The following MSN variants were observed in gnomAD, a reference collection of about 807,000 sequenced individuals.
The protein encoded by MSN is moesin.
A neutral mutation model predicts 48.0 loss-of-function variants in MSN; 2 were observed. The observed-to-expected ratio is 0.04, with a 90% CI of 0.02 to 0.13. MSN has a LOEUF of 0.13. Among genes scored for constraint, MSN ranks in the 10% least tolerant of loss-of-function variants. The probability of loss-of-function intolerance (pLI) is 1.00; values close to 1 mark genes in which losing one functional copy is unlikely to be tolerated. For synonymous variants in MSN, 146 were observed against 166.9 expected (o/e 0.87, Z 0.97); for missense variants, 267 against 470.1 (o/e 0.57, Z 3.99).
intron 1 of MSN, among the ~76,000 whole-genome samples, chrX:65,706,264 G>A (rs1355346707): frequency 8.9e-6 from 1 of 111,943 alleles, no homozygotes; most frequent in Non-Finnish European, 1.9e-5. Context: ...GGGAACTGGA[G>A]CCTAAACAAT....
upstream of MSN, among the ~76,000 whole-genome samples, chrX:65,662,836 A>C (rs996411589): frequency 1.8e-5 from 2 of 112,708 alleles, no homozygotes; most frequent in African/African-American, 6.4e-5. Flanking sequence ...AACTATCAAC[A>C]GAGTAAACAG....
At position 65,733,101 on chromosome X, in the gene MSN, G is replaced by T. The variant is rs2071639738; in HGVS notation, c.699-83G>T. 4 of 640,454 alleles carry T rather than the reference G, an allele frequency of 6.2e-6. No homozygotes were observed. The African/African-American group carries it at 6.8e-5, about 11-fold the overall frequency. 52.8% of individuals were successfully genotyped at this position (640,454 alleles called of 1,213,427 possible). Reference sequence around the variant, plus strand: ...GAGAGAGAGACATAGAAGCTTGGAGGTGACAGTGAGGGCAAGCCCCCAGTT... The same window carrying T: ...GAGAGAGAGACATAGAAGCTTGGAGTTGACAGTGAGGGCAAGCCCCCAGTT... On this transcript the variant is annotated intron_variant, in intron 6 of 12. Transcript: ENST00000360270.
rs184926316 is a variant in MSN at position 65,712,901 on chromosome X, G to A, written c.13-3917G>A. Among the ~76,000 whole-genome samples, 26 of 111,130 alleles carry A rather than the reference G, an allele frequency of 2.3e-4. No individual in the cohort carries two copies. The East Asian group carries it at 6.2e-3, about 26-fold the overall frequency. On this transcript the variant is annotated intron_variant, in intron 1 of 12. Coordinates refer to ENST00000360270, the MANE Select transcript of MSN (RefSeq NM_002444.3). ...TCTGTAAGAGGAATTTAGCATATTG[G>A]TTTACATTGTGAGGTTTGGATTTAG...
chrX:65,733,067 A>G (rs2071639065), intron 6 of MSN, 117 bp from the exon 7 acceptor site: 1 of 512,510 alleles, frequency 2.0e-6, no homozygotes, highest in South Asian at 4.0e-5. Context: ...TTTTAAAAAA[A>G]AAAAAAGAGA....
intron 1 of MSN, among the ~76,000 whole-genome samples, chrX:65,659,119 C>T (rs920722552): frequency 1.8e-5 from 2 of 110,521 alleles, no homozygotes; most frequent in Non-Finnish European, 3.8e-5. Context: ...GCTGGGATTA[C>T]AGGTGTGAGC....
At chrX:65,591,723 C>T (rs1329217345) in intron 1 of MSN, among the ~76,000 whole-genome samples, 1 of 111,604 alleles carries the variant, frequency 9.0e-6, no homozygotes, top group African/African-American at 3.3e-5. Context: ...TTCAGCTTTC[C>T]CTTGCCCTAC....
chrX:65,620,371 G>A lies in MSN; in HGVS notation c.-22+31759G>A, dbSNP rs1011545296. Among the ~76,000 whole-genome samples the A allele has an allele frequency of 1.1e-4, 13 of 113,470 alleles. 1 individual carries two copies. In the Middle Eastern group the frequency reaches 0.014, roughly 120 times the overall value. ...TAGCAACCAGTGAGACTCCGTGGGC[G>A]CAGGAACCTCCGAGCCAGGTGCGGG... On this transcript the variant is annotated intron_variant, in intron 1 of 3. Transcript: ENST00000609672.
intron 1 of MSN, among the ~76,000 whole-genome samples, chrX:65,696,356 C>A (rs1405122165): frequency 9.0e-6 from 1 of 111,622 alleles, no homozygotes; most frequent in Non-Finnish European, 1.9e-5. Flanking sequence ...GATGTGGGTT[C>A]TTTCTGAAAC....
At chrX:65,652,986 G>C (rs1337017726) in intron 1 of MSN, among the ~76,000 whole-genome samples, 4 of 111,914 alleles carry the variant, frequency 3.6e-5, no homozygotes, top group African/African-American at 1.3e-4. Context: ...CTTCTCCCAA[G>C]CATTCTGATA....
chrX:65,737,049 A>C (rs773941003), intron 9 of MSN, 124 bp downstream of exon 9: 1 of 1,122,028 alleles, frequency 8.9e-7, no homozygotes, highest in Admixed American at 2.6e-5. Flanking sequence ...TAGAAGAAGA[A>C]TGGGCAAGAA....
At chrX:65,687,806 G>C (rs1235462230) in intron 1 of MSN, among the ~76,000 whole-genome samples, 1 of 111,634 alleles carries the variant, frequency 9.0e-6, no homozygotes, top group African/African-American at 3.3e-5. Context: ...ATTCCAGGGA[G>C]AGTCGAGTAG....
chrX:65,616,222 G>T (rs1229672894), intron 1 of MSN, among the ~76,000 whole-genome samples: 9 of 109,435 alleles, frequency 8.2e-5, no homozygotes, highest in East Asian at 5.7e-4. Flanking sequence ...CTTTAAAGTG[G>T]TTTTTTCCAA....
At chrX:65,690,658 G>T (rs1158115133) in intron 1 of MSN, among the ~76,000 whole-genome samples, 1 of 111,804 alleles carries the variant, frequency 8.9e-6, no homozygotes, top group Non-Finnish European at 1.9e-5. Flanking sequence ...GATCCATGTG[G>T]ACTTGCAGGG....
chrX:65,655,340 C>T (rs1026903126), intron 1 of MSN, among the ~76,000 whole-genome samples: 3 of 111,748 alleles, frequency 2.7e-5, no homozygotes, highest in Non-Finnish European at 3.8e-5. Flanking sequence ...GTTACCTTAT[C>T]TGTCATATAT....
At chrX:65,657,373 G>A (rs985808338) in intron 1 of MSN, among the ~76,000 whole-genome samples, 3 of 110,113 alleles carry the variant, frequency 2.7e-5, no homozygotes, top group African/African-American at 9.9e-5. Flanking sequence ...TCACAGACGG[G>A]CCATGAGCTC....
At chrX:65,608,670 G>A (rs1045623185) in intron 1 of MSN, among the ~76,000 whole-genome samples, 1 of 111,014 alleles carries the variant, frequency 9.0e-6, no homozygotes, top group Non-Finnish European at 1.9e-5. Context: ...TTGAGGTGAG[G>A]TGTTGGCAGA....
chrX:65,708,019 AT>A (rs896781254), intron 1 of MSN, among the ~76,000 whole-genome samples: 12 of 105,386 alleles, frequency 1.1e-4, no homozygotes, highest in South Asian at 4.1e-4. Context: ...TTTTAACTTG[AT>A]TTTTTTTTTT....
intron 1 of MSN, 87 bp from the exon 2 acceptor site, chrX:65,716,731 C>A: frequency 1.2e-6 from 1 of 832,491 alleles, no homozygotes; most frequent in East Asian, 3.2e-5. Flanking sequence ...CTAACTCCTT[C>A]CTCTGTGGTT....
intron 1 of MSN, among the ~76,000 whole-genome samples, chrX:65,703,386 GA>G (rs938439024): frequency 9.0e-6 from 1 of 110,718 alleles, no homozygotes; most frequent in African/African-American, 3.3e-5. Context: ...CTGAATTTTA[GA>G]AAGAGGAAGG....
Sources: allele counts gnomAD v4.1 joint callset (sites outside exome capture counted in the v4.1 genomes callset), GRCh38; gene constraint gnomAD v4.1.1; transcripts MANE v1.5; gene names NCBI Gene and HGNC (gene_info 2026-07-23, HGNC 2026-07-21).